The following TAF15 variants were observed in gnomAD, a reference collection of about 807,000 sequenced individuals.
The protein encoded by TAF15 is TATA-box binding protein associated factor 15, also known as TATA-binding protein-associated factor 2N.
Under a neutral mutation model 102.5 loss-of-function variants are expected in TAF15, and 37 were observed. The observed-to-expected ratio is 0.36, with a 90% CI of 0.28 to 0.47. The LOEUF is 0.47. Ranked by LOEUF, TAF15 falls within the 20% of genes least tolerant of loss-of-function variation. The pLI is 0.99. For missense variants in TAF15, 652 were observed against 760.7 expected (o/e 0.86, Z 1.68); for synonymous variants, 273 against 259.2 (o/e 1.05, Z -0.51).
intron 7 of TAF15, among the ~76,000 whole-genome samples, chr17:35,827,331 G>A (rs1160784138): frequency 7.0e-6 from 1 of 142,526 alleles, no homozygotes; most frequent in African/African-American, 2.6e-5. Context: ...GCAAGACTCC[G>A]TCGCAAAAAA....
At chr17:35,820,871 C>A (rs888207559) in intron 5 of TAF15, among the ~76,000 whole-genome samples, 2 of 152,008 alleles carry the variant, frequency 1.3e-5, no homozygotes, top group African/African-American at 4.8e-5. Context: ...AATGTGTTTT[C>A]TTTGATATAT....
intron 1 of TAF15, among the ~76,000 whole-genome samples, chr17:35,812,504 G>A (rs1408707024): frequency 1.0e-4 from 15 of 147,186 alleles, no homozygotes; most frequent in African/African-American, 3.8e-4. Context: ...AGAATCGCTT[G>A]AACCTGGGAG....
At chr17:35,820,139 A>G in intron 3 of TAF15, 25 bp from the exon 4 acceptor site, 2 of 1,613,892 alleles carry the variant, frequency 1.2e-6, no homozygotes, top group Non-Finnish European at 8.5e-7. Flanking sequence ...AGGTGATGAA[A>G]CTTGAGTATT....
chr17:35,840,395 G>C (rs76242850), intron 11 of TAF15, among the ~76,000 whole-genome samples: 13,980 of 150,590 alleles, frequency 0.093, 852 homozygotes, highest in East Asian at 0.22. Context: ...GGGACTACAG[G>C]TACATGCCAC....
At chr17:35,811,708 A>G (rs2087126180) in intron 1 of TAF15, 1 of 152,258 alleles carries the variant, frequency 6.6e-6, no homozygotes, top group African/African-American at 2.4e-5. Flanking sequence ...TGAAGTAATC[A>G]ATAAATCAAA....
chr17:35,812,969 A>G (rs1410981383), intron 1 of TAF15, among the ~76,000 whole-genome samples: 1 of 151,962 alleles, frequency 6.6e-6, no homozygotes, highest in Non-Finnish European at 1.5e-5. Flanking sequence ...CTCTACTAAA[A>G]GTATAAAAAT....
chr17:35,834,942 C>G (rs1189608432), intron 9 of TAF15, among the ~76,000 whole-genome samples: 2 of 151,824 alleles, frequency 1.3e-5, no homozygotes, highest in Non-Finnish European at 2.9e-5. Flanking sequence ...GGCAGGGTTT[C>G]ACCATGCTGG....
intron 1 of TAF15, 70 bp from the exon 2 acceptor site, chr17:35,817,646 T>G: frequency 3.7e-6 from 5 of 1,367,644 alleles, no homozygotes; most frequent in Non-Finnish European, 5.2e-6. Flanking sequence ...TTCTTCTGTA[T>G]GAGCTAAAGT....
intron 1 of TAF15, among the ~76,000 whole-genome samples, chr17:35,813,729 G>T (rs1236201925): frequency 6.6e-6 from 1 of 150,380 alleles, no homozygotes; most frequent in Non-Finnish European, 1.5e-5. Flanking sequence ...GAAAATGGAG[G>T]AAGAATCAAT....
At chr17:35,843,243 C>T (rs969580707) in intron 12 of TAF15, among the ~76,000 whole-genome samples, 1 of 152,092 alleles carries the variant, frequency 6.6e-6, no homozygotes, top group Non-Finnish European at 1.5e-5. Flanking sequence ...CCTGCCTCAG[C>T]GTCCCAAGTA....
intron 7 of TAF15, among the ~76,000 whole-genome samples, chr17:35,826,558 ATTTTT>A (rs551894376): frequency 7.3e-6 from 1 of 136,780 alleles, no homozygotes; most frequent in Admixed American, 7.4e-5. Flanking sequence ...AGTTCATATA[ATTTTT>A]TTTTTTTTTT....
At chr17:35,831,124 C>CG (rs2087399501) in intron 7 of TAF15, among the ~76,000 whole-genome samples, 1 of 152,110 alleles carries the variant, frequency 6.6e-6, no homozygotes, top group Non-Finnish European at 1.5e-5. Context: ...CGTTCAAGGC[C>CG]GGGCGCAGTG....
chr17:35,832,740 G>T (rs2087422390), intron 7 of TAF15, among the ~76,000 whole-genome samples: 1 of 151,508 alleles, frequency 6.6e-6, no homozygotes, highest in African/African-American at 2.5e-5. Context: ...ACAGAATTCA[G>T]TTAAGAGAAA....
chr17:35,837,395 TC>T (rs1568272884), intron 10 of TAF15, among the ~76,000 whole-genome samples: 8 of 152,086 alleles, frequency 5.3e-5, no homozygotes, highest in African/African-American at 1.9e-4. Flanking sequence ...GCTCAAGTGA[TC>T]CTCCCACCTC....
chr17:35,833,806 C>A, intron 7 of TAF15, 101 bp from the exon 8 acceptor site: 1 of 1,213,202 alleles, frequency 8.2e-7, no homozygotes, highest in Non-Finnish European at 1.2e-6. Context: ...CTACTGTTTT[C>A]CTAAGCACTC....
chr17:35,822,593 A>G, intron 5 of TAF15, 47 bp from the exon 6 acceptor site: 8 of 1,578,754 alleles, frequency 5.1e-6, no homozygotes, highest in Non-Finnish European at 6.0e-6. Context: ...TGCTACAGCA[A>G]ATGTAATCTT....
intron 1 of TAF15, chr17:35,809,818 AC>A (rs1292039939): frequency 1.7e-6 from 1 of 590,554 alleles, no homozygotes; most frequent in Non-Finnish European, 3.0e-6. Context: ...TGTCCTTGGA[AC>A]CCGAGGAGAC....
chr17:35,845,573 C>T (rs529022299), intron 15 of TAF15, among the ~76,000 whole-genome samples: 3 of 151,988 alleles, frequency 2.0e-5, no homozygotes, highest in East Asian at 1.9e-4. Flanking sequence ...TTTGCAGTGG[C>T]GCAGTCTCGG....
At chr17:35,837,933 A>G (rs955221096) in intron 10 of TAF15, among the ~76,000 whole-genome samples, 2 of 152,114 alleles carry the variant, frequency 1.3e-5, no homozygotes, top group African/African-American at 2.4e-5. Context: ...TCAGCACTTA[A>G]TCACAGCACT....
Sources: allele counts gnomAD v4.1 joint callset (sites outside exome capture counted in the v4.1 genomes callset), GRCh38; gene constraint gnomAD v4.1.1; transcripts MANE v1.5; gene names NCBI Gene and HGNC (gene_info 2026-07-23, HGNC 2026-07-21).